LPP: variants seen among roughly 807,000 people sequenced by gnomAD.
LPP encodes lipoma-preferred partner.
In LPP, 38 loss-of-function variants were observed where a neutral mutation model predicts 60.4. That is an observed-to-expected ratio of 0.63 (90% CI 0.49 to 0.83). LPP has a LOEUF of 0.83. LPP is among the 40% of genes least tolerant of loss of function. The pLI, the probability that LPP is intolerant of heterozygous loss-of-function variation, is 0.00. For missense variants in LPP, 902 were observed against 783.6 expected (o/e 1.15, Z -1.80); for synonymous variants, 328 against 290.8 (o/e 1.13, Z -1.30).
At chr3:188,345,912 T>G (rs115826344) in intron 3 of LPP, among the ~76,000 whole-genome samples, 467 of 152,280 alleles carry the variant, frequency 3.1e-3, no homozygotes, top group African/African-American at 0.011. Context: ...TGGCTCTAAT[T>G]AATTTGCTAT....
intron 4 of LPP, among the ~76,000 whole-genome samples, chr3:188,468,251 G>A (rs1174497761): frequency 6.6e-6 from 1 of 152,116 alleles, no homozygotes; most frequent in Non-Finnish European, 1.5e-5. Flanking sequence ...TGTAATGTGA[G>A]TCTATGGACT....
chr3:188,318,863 A>T (rs373793908), intron 2 of LPP, among the ~76,000 whole-genome samples: 1 of 138,592 alleles, frequency 7.2e-6, no homozygotes, highest in Non-Finnish European at 1.5e-5. Flanking sequence ...GGTTCACGCC[A>T]TTCTCCTGCC....
intron 9 of LPP, among the ~76,000 whole-genome samples, chr3:188,816,024 C>T (rs62292687): frequency 0.25 from 37,416 of 151,908 alleles, 6,171 homozygotes; most frequent in East Asian, 0.81. Context: ...TAAAATTTTT[C>T]CTTTACATTG....
At chr3:188,664,245 A>G (rs1855261566) in intron 7 of LPP, among the ~76,000 whole-genome samples, 3 of 152,194 alleles carry the variant, frequency 2.0e-5, no homozygotes, top group Admixed American at 1.3e-4. Flanking sequence ...CTTTTCCTTC[A>G]TATTAATGTT....
intron 3 of LPP, among the ~76,000 whole-genome samples, chr3:188,356,853 C>T (rs1767748077): frequency 6.6e-6 from 1 of 152,208 alleles, no homozygotes; most frequent in Non-Finnish European, 1.5e-5. Context: ...TAGAGAAACA[C>T]AGGCAAAGGA....
intron 9 of LPP, among the ~76,000 whole-genome samples, chr3:188,842,261 T>G (rs1042863213): frequency 1.1e-4 from 17 of 152,254 alleles, no homozygotes; most frequent in East Asian, 7.7e-4. Flanking sequence ...TTAATTTGCA[T>G]ATCTCTGATG....
At chr3:188,366,018 C>T (rs1411740512) in intron 3 of LPP, among the ~76,000 whole-genome samples, 45 of 152,208 alleles carry the variant, frequency 3.0e-4, no homozygotes, top group Admixed American at 2.9e-3. Flanking sequence ...ATCACTGGAT[C>T]TCCCTTTGAC....
chr3:188,773,361 A>AATAT (rs10571695), intron 9 of LPP, among the ~76,000 whole-genome samples: 3 of 150,740 alleles, frequency 2.0e-5, no homozygotes, highest in Admixed American at 2.0e-4. Context: ...GTCTTCAAAG[A>AATAT]ATATATATAT....
At chr3:188,575,825 C>T (rs1403857857) in intron 6 of LPP, among the ~76,000 whole-genome samples, 1 of 152,104 alleles carries the variant, frequency 6.6e-6, no homozygotes, top group East Asian at 1.9e-4. Flanking sequence ...TTGTTCCTGC[C>T]TCTTAGGATC....
intron 1 of LPP, among the ~76,000 whole-genome samples, chr3:188,195,911 T>C (rs1370997635): frequency 6.6e-6 from 1 of 152,218 alleles, no homozygotes; most frequent in African/African-American, 2.4e-5. Context: ...CATGCTTTTC[T>C]GAGAGCGTGG....
intron 7 of LPP, among the ~76,000 whole-genome samples, chr3:188,650,612 C>A (rs1265790038): frequency 6.6e-6 from 1 of 152,094 alleles, no homozygotes; most frequent in African/African-American, 2.4e-5. Context: ...TGAGAGACTA[C>A]AAATCAGATT....
At chr3:188,180,552 A>G (rs555152598) in intron 1 of LPP, 2 of 154,538 alleles carry the variant, frequency 1.3e-5, no homozygotes, top group Admixed American at 6.5e-5. Flanking sequence ...TTTTTGTGTT[A>G]TAAGTGTAGG....
At chr3:188,530,806 AC>A (rs764190330) in intron 6 of LPP, among the ~76,000 whole-genome samples, 3 of 152,236 alleles carry the variant, frequency 2.0e-5, no homozygotes, top group Non-Finnish European at 4.4e-5. Flanking sequence ...AAAACTTATG[AC>A]GTTGTAACAT....
chr3:188,625,993 C>T (rs1315894702), intron 7 of LPP, among the ~76,000 whole-genome samples: 2 of 152,074 alleles, frequency 1.3e-5, no homozygotes, highest in African/African-American at 4.8e-5. Context: ...TTAATACTCT[C>T]AATAATGAGC....
chr3:188,209,779 A>G (rs1560112802), intron 1 of LPP, among the ~76,000 whole-genome samples: 1 of 152,202 alleles, frequency 6.6e-6, no homozygotes, highest in African/African-American at 2.4e-5. Context: ...TTCTCAATAA[A>G]GTAGACAAGT....
chr3:188,797,853 G>A (rs903158015), intron 9 of LPP, among the ~76,000 whole-genome samples: 1 of 152,134 alleles, frequency 6.6e-6, no homozygotes, highest in African/African-American at 2.4e-5. Flanking sequence ...TTCTATTTGT[G>A]TTTCCCAAAG....
chr3:188,835,023 T>C (rs1052270785), intron 9 of LPP, among the ~76,000 whole-genome samples: 4 of 152,196 alleles, frequency 2.6e-5, no homozygotes, highest in Non-Finnish European at 5.9e-5. Context: ...TTCTACCTAG[T>C]AGTGTATTTT....
chr3:188,155,776 G>A (rs1716151957), intron 1 of LPP, among the ~76,000 whole-genome samples: 1 of 152,186 alleles, frequency 6.6e-6, no homozygotes, highest in Non-Finnish European at 1.5e-5. Context: ...CACTTTGGGA[G>A]GCCAAGGCGG....
intron 2 of LPP, among the ~76,000 whole-genome samples, chr3:188,299,324 A>G (rs995706826): frequency 2.0e-5 from 3 of 152,322 alleles, no homozygotes; most frequent in Middle Eastern, 6.8e-3. Flanking sequence ...CTGTCTGATC[A>G]ATGGGACAGG....
Sources: gnomAD v4.1 joint callset for allele counts (sites outside exome capture counted in the v4.1 genomes callset) on GRCh38, gnomAD v4.1.1 for gene constraint, MANE v1.5 for transcripts, NCBI Gene and HGNC (gene_info 2026-07-23, HGNC 2026-07-21) for gene names.